RBM20: variants seen among roughly 807,000 people sequenced by gnomAD.
RBM20 encodes RNA binding motif protein 20.
A neutral mutation model predicts 110.1 loss-of-function variants in RBM20; 51 were observed. That is an observed-to-expected ratio of 0.46 (90% CI 0.37 to 0.59). The LOEUF is 0.59. RBM20 is among the 20% of genes least tolerant of loss of function. RBM20 has a pLI of 0.00. For missense variants in RBM20, 1,512 were observed against 1,574.9 expected (o/e 0.96, Z 0.68); for synonymous variants, 589 against 618.2 (o/e 0.95, Z 0.70).
chr10:110,697,130 AT>A (rs933556402), intron 1 of RBM20, among the ~76,000 whole-genome samples: 15 of 151,408 alleles, frequency 9.9e-5, no homozygotes, highest in Admixed American at 4.6e-4. Context: ...TCTATGCAGA[AT>A]TTTTTTTTTA....
At chr10:110,777,603 T>C (rs960645774) in intron 1 of RBM20, among the ~76,000 whole-genome samples, 8 of 152,164 alleles carry the variant, frequency 5.3e-5, no homozygotes, top group African/African-American at 1.9e-4. Flanking sequence ...TTTTGAGGAA[T>C]CTGAATGGGT....
chr10:110,654,205 A>T (rs1861988941), intron 1 of RBM20, among the ~76,000 whole-genome samples: 1 of 152,202 alleles, frequency 6.6e-6, no homozygotes, highest in Non-Finnish European at 1.5e-5. Flanking sequence ...GAGCAATTGT[A>T]ATGAAATATG....
intron 5 of RBM20, among the ~76,000 whole-genome samples, chr10:110,794,902 C>T (rs1006140562): frequency 6.6e-6 from 1 of 152,292 alleles, no homozygotes; most frequent in Middle Eastern, 3.4e-3. Flanking sequence ...TGCTATGTTC[C>T]AATAAAAGCC....
At position 110,836,258 on chromosome 10, in the gene RBM20, C is replaced by T. The variant is rs1228708047; in HGVS notation, c.*280C>T. 8.3e-6 allele frequency: 2 copies of T among 239,720 alleles called. No individual in the cohort carries two copies. Among genetic ancestry groups the T allele is most frequent in the Admixed American group, 5.6e-5 (1 of 17,850 alleles). The allele number at this position is 239,720 out of a possible 1,614,324, so 14.8% of individuals were successfully genotyped here. ...TTTCAATTCGTTTTTCTCTCTTTTCCTCTTGTTCTTTCTCTCCCTCCCTCC... is the reference window on the plus strand; with the variant it reads ...TTTCAATTCGTTTTTCTCTCTTTTCTTCTTGTTCTTTCTCTCCCTCCCTCC... On this transcript the variant is annotated 3_prime_UTR_variant, in exon 14 of 14. Coordinates refer to ENST00000369519, the MANE Select transcript of RBM20 (RefSeq NM_001134363.3).
intron 1 of RBM20, among the ~76,000 whole-genome samples, chr10:110,722,425 C>T (rs930250102): frequency 6.6e-6 from 1 of 151,874 alleles, no homozygotes; most frequent in African/African-American, 2.4e-5. Context: ...GCATTGTGAT[C>T]ACTCAGAGTC....
chr10:110,715,486 A>G (rs1338259789), intron 1 of RBM20, among the ~76,000 whole-genome samples: 1 of 152,220 alleles, frequency 6.6e-6, no homozygotes, highest in Non-Finnish European at 1.5e-5. Flanking sequence ...CCTTTGCTGC[A>G]TTGTACTTAT....
In RBM20 at chr10:110,739,895, C is replaced by T. The variant is rs1175453217; in HGVS notation, c.192-40906C>T. 3.3e-5 allele frequency among the ~76,000 whole-genome samples: 5 copies of T among 152,242 alleles called. No individual in the cohort carries two copies. The highest frequency in any genetic ancestry group is 5.9e-5 in the Non-Finnish European group (4 of 68,038). ...CAAGCAGTGAGGAAGCCACTCCCAGCGGCCCTGCCCGTCTGGGTCCTCCTG... is the reference window on the plus strand; with the variant it reads ...CAAGCAGTGAGGAAGCCACTCCCAGTGGCCCTGCCCGTCTGGGTCCTCCTG... On this transcript the variant is annotated intron_variant, in intron 1 of 13. Coordinates refer to ENST00000369519, the MANE Select transcript of RBM20 (RefSeq NM_001134363.3). This position sits in a 1 kb window ranked among gnomAD's most constrained non-coding sequence, Gnocchi z 4.1.
intron 12 of RBM20, among the ~76,000 whole-genome samples, chr10:110,824,124 T>C (rs1036186412): frequency 1.3e-5 from 2 of 152,186 alleles, no homozygotes; most frequent in African/African-American, 4.8e-5. Context: ...ATAGACCAGA[T>C]ACTCCGTGAA....
intron 2 of RBM20, among the ~76,000 whole-genome samples, chr10:110,782,228 G>A (rs1253931833): frequency 6.6e-6 from 1 of 152,208 alleles, no homozygotes; most frequent in African/African-American, 2.4e-5. Flanking sequence ...CCCGTAGTAT[G>A]CCTAGAATCT....
intron 1 of RBM20, among the ~76,000 whole-genome samples, chr10:110,707,553 C>T (rs901084140): frequency 6.6e-6 from 1 of 152,082 alleles, no homozygotes; most frequent in African/African-American, 2.4e-5. Context: ...GATCTGAAGC[C>T]TTAAAAATAT....
intron 1 of RBM20, among the ~76,000 whole-genome samples, chr10:110,738,412 C>T (rs1413198585): frequency 1.3e-5 from 2 of 152,082 alleles, no homozygotes; most frequent in Admixed American, 6.5e-5. Flanking sequence ...CATGTTCCCA[C>T]GATGAGGTGG....
rs1388357125 is a variant in RBM20, at chr10:110,838,726, GC to G, written c.*2750del. ...GTTATGGCTCTCTTGTGATAGACTG[GC>G]CTTCATATTGGAGAGCTAGGGAGAG... On this transcript the variant is annotated 3_prime_UTR_variant, in exon 14 of 14. Transcript: ENST00000369519. The G allele has an allele frequency of 6.6e-6, 1 of 151,582 alleles. No individual in the cohort carries two copies. Among genetic ancestry groups the G allele is most frequent in the African/African-American group, 2.4e-5 (1 of 41,212 alleles). The allele number at this position is 151,582 out of a possible 1,614,324, so 9.4% of individuals were successfully genotyped here. A position where few individuals can be genotyped will look rare whatever the true frequency, so the allele number is the denominator to read the frequency against.
At chr10:110,656,490 TCTTTCAC>T (rs1862028431) in intron 1 of RBM20, among the ~76,000 whole-genome samples, 2 of 150,630 alleles carry the variant, frequency 1.3e-5, no homozygotes, top group Non-Finnish European at 3.0e-5. Context: ...GTGTGTGTCT[TCTTTCAC>T]TATTTTAAAG....
At position 110,778,628 on chromosome 10, in the gene RBM20, ATTTCCAGT is replaced by A. The variant is rs1437436800; in HGVS notation, c.192-2164_192-2157del. 4.3e-4 allele frequency among the ~76,000 whole-genome samples: 66 copies of A among 152,370 alleles called. 1 individual carries two copies. Among genetic ancestry groups the A allele is most frequent in the Non-Finnish European group, 1.2e-4 (8 of 68,040 alleles). On this transcript the variant is annotated intron_variant, in intron 1 of 13. Coordinates refer to ENST00000369519, the MANE Select transcript of RBM20 (RefSeq NM_001134363.3). Reference sequence around the variant, plus strand: ...GCATGCATTGTTTATGGCAACTCCAATTTCCAGTTTTCCAGTCCCCTTCTTCCCATTCA... The same window carrying A: ...GCATGCATTGTTTATGGCAACTCCAATTTCCAGTCCCCTTCTTCCCATTCA...
intron 12 of RBM20, 48 bp from the exon 13 acceptor site, chr10:110,831,013 C>T: frequency 6.6e-7 from 1 of 1,511,428 alleles, no homozygotes; most frequent in Non-Finnish European, 9.0e-7. Context: ...AGGGGCCTGC[C>T]TCCCATGCCA....
chr10:110,802,628 A>G (rs1478889837), intron 7 of RBM20, among the ~76,000 whole-genome samples: 1 of 152,204 alleles, frequency 6.6e-6, no homozygotes, highest in Non-Finnish European at 1.5e-5. Context: ...GCATAGCAAT[A>G]CCTTCCTGAG....
At chr10:110,672,050 T>TAAA (rs199781495) in intron 1 of RBM20, among the ~76,000 whole-genome samples, 11,140 of 152,102 alleles carry the variant, frequency 0.073, 574 homozygotes, top group Non-Finnish European at 0.1. Flanking sequence ...TTTAGGGCCC[T>TAAA]ATTAGGGACT....
intron 1 of RBM20, among the ~76,000 whole-genome samples, chr10:110,681,885 T>C (rs1352452680): frequency 6.9e-6 from 1 of 144,886 alleles, no homozygotes; most frequent in Non-Finnish European, 1.5e-5. Flanking sequence ...TCTTTTCTGC[T>C]TTTTTTTTTG....
At chr10:110,706,392 CTGTG>C in intron 1 of RBM20, among the ~76,000 whole-genome samples, 1 of 152,350 alleles carries the variant, frequency 6.6e-6, no homozygotes, top group African/African-American at 2.4e-5. Context: ...TGGGCAATAT[CTGTG>C]TGTCTCTGGG....
Sources: allele counts gnomAD v4.1 joint callset (sites outside exome capture counted in the v4.1 genomes callset), GRCh38; gene constraint gnomAD v4.1.1; non-coding constraint Gnocchi (gnomAD v3.1); transcripts MANE v1.5; gene names NCBI Gene and HGNC (gene_info 2026-07-23, HGNC 2026-07-21).